The following DMD variants were observed in gnomAD, a reference collection of about 807,000 sequenced individuals.
The protein encoded by DMD is mutant dystrophin.
Under a neutral mutation model 330.1 loss-of-function variants are expected in DMD, and 63 were observed. The ratio of observed to expected loss-of-function variants is 0.19; its 90% CI spans 0.16 to 0.24. The LOEUF (loss-of-function observed/expected upper bound fraction) is 0.24. Ranked by LOEUF, DMD falls within the 10% of genes least tolerant of loss-of-function variation. The pLI is 1.00. For missense variants in DMD, 3,344 were observed against 2,684.1 expected (o/e 1.25, Z -5.43); for synonymous variants, 1,223 against 959.8 (o/e 1.27, Z -5.07).
chrX:32,003,065 T>C (rs2095638390), intron 44 of DMD, among the ~76,000 whole-genome samples: 1 of 112,103 alleles, frequency 8.9e-6, no homozygotes, highest in Non-Finnish European at 1.9e-5. Context: ...AAACAGGCAC[T>C]GTTTTTAATT....
intron 7 of DMD, among the ~76,000 whole-genome samples, chrX:32,726,344 CAT>C (rs751012788): frequency 1.3e-4 from 15 of 111,316 alleles, no homozygotes; most frequent in African/African-American, 4.5e-4. Context: ...TAAAAACACA[CAT>C]GTGGCAGCAC....
At chrX:32,226,472 T>C (rs2097148022) in intron 43 of DMD, among the ~76,000 whole-genome samples, 1 of 112,006 alleles carries the variant, frequency 8.9e-6, no homozygotes. Context: ...TACAAGGCTG[T>C]TTGTTCCAGT....
chrX:32,987,600 TG>T (rs1032546857), intron 2 of DMD, among the ~76,000 whole-genome samples: 5 of 111,326 alleles, frequency 4.5e-5, no homozygotes, highest in African/African-American at 1.6e-4. Context: ...GTCATTAAAC[TG>T]CCACATTCTA....
intron 75 of DMD, among the ~76,000 whole-genome samples, 189 bp downstream of exon 75, chrX:31,147,086 C>T (rs1275326137): frequency 1.8e-5 from 2 of 111,601 alleles, no homozygotes; most frequent in African/African-American, 3.3e-5. Context: ...CAATATTGGA[C>T]AAATACAAAA....
At chrX:31,944,581 A>T (rs2150064454) in intron 45 of DMD, among the ~76,000 whole-genome samples, 1 of 106,030 alleles carries the variant, frequency 9.4e-6, no homozygotes. Flanking sequence ...GGGTTCGAGC[A>T]ATTCTTCTGC....
At chrX:32,724,928 G>T (rs761292428) in intron 7 of DMD, among the ~76,000 whole-genome samples, 1 of 111,745 alleles carries the variant, frequency 8.9e-6, no homozygotes, top group South Asian at 3.7e-4. Context: ...AACCAGAGTT[G>T]TGTTCTTGGC....
At chrX:31,683,486 G>C in intron 52 of DMD, among the ~76,000 whole-genome samples, 1 of 112,244 alleles carries the variant, frequency 8.9e-6, no homozygotes, top group Non-Finnish European at 1.9e-5. Context: ...TTAGTCAGGA[G>C]GACTGAAGGA....
At chrX:32,810,575 CACA>C (rs368990589) in intron 6 of DMD, among the ~76,000 whole-genome samples, 68 of 112,133 alleles carry the variant, frequency 6.1e-4, no homozygotes, top group African/African-American at 2.0e-3. Flanking sequence ...TTTACTCTCA[CACA>C]ACATTTAATT....
In DMD at chrX:31,487,808, G is replaced by A. The variant is rs2068934982; in HGVS notation, c.8548-8705C>T. On this transcript the variant is annotated intron_variant, in intron 57 of 78. Transcript: ENST00000357033. Reference sequence around the variant, plus strand: ...CATTGTTTCAGATAGTCAACAACATGAACAACAATATTAATTTATAAATGA... The same window carrying A: ...CATTGTTTCAGATAGTCAACAACATAAACAACAATATTAATTTATAAATGA... 2.7e-5 allele frequency among the ~76,000 whole-genome samples: 3 copies of A among 111,258 alleles called. No individual in the cohort carries two copies. In the Admixed American group the frequency reaches 2.9e-4, roughly 11 times the overall value.
At chrX:31,147,129 C>T (rs1445821508) in intron 75 of DMD, 146 bp downstream of exon 75, 3 of 757,590 alleles carry the variant, frequency 4.0e-6, no homozygotes, top group Non-Finnish European at 4.0e-6. Context: ...TCCTCTACTT[C>T]TATCCTTTGA....
chrX:31,726,967 T>C (rs1477086499), intron 52 of DMD, among the ~76,000 whole-genome samples: 1 of 111,389 alleles, frequency 9.0e-6, no homozygotes, highest in Non-Finnish European at 1.9e-5. Context: ...AGATACAAAC[T>C]TGCCCTCCGG....
intron 26 of DMD, among the ~76,000 whole-genome samples, chrX:32,450,250 A>G (rs938137013): frequency 3.6e-5 from 4 of 110,896 alleles, no homozygotes; most frequent in Non-Finnish European, 7.6e-5. Context: ...GGTCAGCTAT[A>G]AAATGCCTTT....
intron 60 of DMD, among the ~76,000 whole-genome samples, chrX:31,440,068 A>G (rs1434240124): frequency 9.0e-6 from 1 of 111,602 alleles, no homozygotes; most frequent in African/African-American, 3.3e-5. Context: ...ATACCTAAGA[A>G]TCATTTCAAA....
intron 7 of DMD, among the ~76,000 whole-genome samples, chrX:32,716,220 G>C (rs751911593): frequency 9.0e-6 from 1 of 111,066 alleles, no homozygotes; most frequent in African/African-American, 3.3e-5. Flanking sequence ...ATGTTGAGTT[G>C]TGTTCCCCAG....
intron 2 of DMD, among the ~76,000 whole-genome samples, chrX:32,883,535 G>A (rs2084166486): frequency 9.0e-6 from 1 of 110,649 alleles, no homozygotes; most frequent in African/African-American, 3.3e-5. Context: ...TTAGAAAATG[G>A]CTTCCATGGC....
intron 2 of DMD, among the ~76,000 whole-genome samples, chrX:32,873,999 A>T (rs1034981037): frequency 1.8e-5 from 2 of 111,859 alleles, no homozygotes; most frequent in Admixed American, 9.5e-5. Flanking sequence ...GACTCGTGTG[A>T]GGTCTAGGAT....
intron 43 of DMD, among the ~76,000 whole-genome samples, chrX:32,252,129 C>T (rs776170398): frequency 5.4e-5 from 6 of 111,716 alleles, no homozygotes; most frequent in African/African-American, 9.7e-5. Flanking sequence ...AAACTTGCCA[C>T]GCTCTCCCTC....
intron 2 of DMD, among the ~76,000 whole-genome samples, chrX:32,982,198 A>G (rs1156912530): frequency 9.0e-6 from 1 of 111,650 alleles, no homozygotes; most frequent in African/African-American, 3.2e-5. Flanking sequence ...CTTTTTATAG[A>G]CACTTGAATA....
intron 56 of DMD, among the ~76,000 whole-genome samples, chrX:31,504,337 G>C (rs1007770787): frequency 1.8e-5 from 2 of 111,761 alleles, no homozygotes; most frequent in Non-Finnish European, 3.8e-5. Context: ...AATACAAAGG[G>C]AAACTTCGAA....
Sources: gnomAD v4.1 joint callset for allele counts (sites outside exome capture counted in the v4.1 genomes callset) on GRCh38, gnomAD v4.1.1 for gene constraint, MANE v1.5 for transcripts, NCBI Gene and HGNC (gene_info 2026-07-23, HGNC 2026-07-21) for gene names.